The following FRMPD1 variants were observed in gnomAD, a reference collection of about 807,000 sequenced individuals.
FRMPD1 encodes FERM and PDZ domain containing 1, also known as FERM and PDZ domain-containing protein 1.
A neutral mutation model predicts 117.8 loss-of-function variants in FRMPD1; 76 were observed. The ratio of observed to expected loss-of-function variants is 0.65; its 90% CI spans 0.54 to 0.78. The LOEUF is 0.78. Ranked by LOEUF, FRMPD1 falls within the 30% of genes least tolerant of loss-of-function variation. The pLI is 0.00. For missense variants in FRMPD1, 1,786 were observed against 1,964.5 expected (o/e 0.91, Z 1.72); for synonymous variants, 783 against 770.4 (o/e 1.02, Z -0.27).
chr9:37,691,984 T>C (rs1822154419), intron 1 of FRMPD1, among the ~76,000 whole-genome samples: 1 of 152,106 alleles, frequency 6.6e-6, no homozygotes, highest in Non-Finnish European at 1.5e-5. Context: ...TGTATGGGCA[T>C]GGGAACTGGG....
chr9:37,709,576 G>C (rs748201491), intron 4 of FRMPD1, among the ~76,000 whole-genome samples: 1 of 152,210 alleles, frequency 6.6e-6, no homozygotes, highest in Admixed American at 6.5e-5. Flanking sequence ...GAAAGAAAAA[G>C]AAAAGAAAAG....
At chr9:37,610,423 C>CTTTATTTTATTTTAT in the FRMPD1 span, among the ~76,000 whole-genome samples, 14 of 151,996 alleles carry the variant, frequency 9.2e-5, no homozygotes, top group African/African-American at 2.4e-4. Context: ...ACTTGCTTGA[C>CTTTATTTTATTTTAT]TTTATTTTAT....
At chr9:37,659,065 T>TA (rs1468613862) in intron 1 of FRMPD1, among the ~76,000 whole-genome samples, 1 of 152,150 alleles carries the variant, frequency 6.6e-6, no homozygotes, top group East Asian at 1.9e-4. Flanking sequence ...GAGGCCTTGC[T>TA]ATGTTGCTCA....
At chr9:37,711,273 T>A in intron 4 of FRMPD1, 77 bp from the exon 5 acceptor site, 1 of 920,342 alleles carries the variant, frequency 1.1e-6, no homozygotes, top group Non-Finnish European at 1.8e-6. Flanking sequence ...ACACACATGC[T>A]CACACATGTA....
intron 5 of FRMPD1, among the ~76,000 whole-genome samples, chr9:37,714,911 G>C (rs1168019638): frequency 3.9e-5 from 6 of 152,142 alleles, no homozygotes; most frequent in Non-Finnish European, 8.8e-5. Flanking sequence ...GCCTCCCAAA[G>C]TGCTGGGATT....
At chr9:37,700,933 T>A (rs1588940318) in intron 2 of FRMPD1, among the ~76,000 whole-genome samples, 1 of 152,158 alleles carries the variant, frequency 6.6e-6, no homozygotes, top group Admixed American at 6.5e-5. Context: ...GAGGAGGAAA[T>A]GTTGTTACAG....
intron 15 of FRMPD1, among the ~76,000 whole-genome samples, chr9:37,742,687 T>C (rs896786174): frequency 3.3e-5 from 5 of 152,124 alleles, no homozygotes; most frequent in African/African-American, 1.2e-4. Context: ...TCACCTGAGG[T>C]TGGGAGTTTG....
At chr9:37,716,379 C>A (rs1300604565) in intron 5 of FRMPD1, among the ~76,000 whole-genome samples, 2 of 152,192 alleles carry the variant, frequency 1.3e-5, no homozygotes, top group Admixed American at 1.3e-4. Flanking sequence ...AGTGTTCTGG[C>A]ATGCTGAGAT....
chr9:37,650,878 T>C (rs1820648057), upstream of FRMPD1: 1 of 147,948 alleles, frequency 6.8e-6, no homozygotes, highest in African/African-American at 2.4e-5. Context: ...AGCTGCAGCC[T>C]CAGCACCTGC....
intron 1 of FRMPD1, among the ~76,000 whole-genome samples, chr9:37,678,755 G>A (rs575249411): frequency 6.6e-6 from 1 of 152,342 alleles, no homozygotes; most frequent in South Asian, 2.1e-4. Context: ...AATGAAGGAA[G>A]TGAAGGTATC....
chr9:37,746,280 C>A lies in FRMPD1; in HGVS notation c.4248C>A (p.Ala1416=). 1 of 1,612,814 alleles carries A rather than the reference C, an allele frequency of 6.2e-7. No homozygotes were observed. Among genetic ancestry groups the A allele is most frequent in the Non-Finnish European group, 8.5e-7 (1 of 1,179,792 alleles). The change falls in exon 16 of 16, where the codon GCC becomes GCA. Residue 1416 remains alanine (A), a synonymous_variant. Coordinates refer to ENST00000377765, the MANE Select transcript of FRMPD1 (RefSeq NM_014907.3). ...RALRQLKATP[A]STPEGFIQLM... is the part of the protein sequence containing the mutation. ...TGAGACAGCTGAAAGCCACCCCTGCCAGCACCCCTGAGGGCTTCATCCAAC... is the reference window on the plus strand; with the variant it reads ...TGAGACAGCTGAAAGCCACCCCTGCAAGCACCCCTGAGGGCTTCATCCAAC...
At chr9:37,652,993 G>A (rs1347314404) in intron 1 of FRMPD1, among the ~76,000 whole-genome samples, 1 of 152,200 alleles carries the variant, frequency 6.6e-6, no homozygotes. Context: ...GCTATGTGTA[G>A]GTCAAGGAGC....
chr9:37,673,472 T>A (rs1275263459), intron 1 of FRMPD1, among the ~76,000 whole-genome samples: 1 of 152,306 alleles, frequency 6.6e-6, no homozygotes, highest in East Asian at 1.9e-4. Flanking sequence ...AGGCTCCTGG[T>A]GCAAGCTGTT....
At position 37,735,533 on chromosome 9, in the gene FRMPD1, C is replaced by A. The variant is rs745557744; in HGVS notation, c.1219-19C>A. ...ACTCGCTTGCGAATGGAGACTAATT[C>A]CCCTTCCACCCTCTGCAGTTACAGG... is the stretch of plus-strand genomic sequence containing the variant. On this transcript the variant is annotated intron_variant, in intron 12 of 15. Coordinates refer to ENST00000377765, the MANE Select transcript of FRMPD1 (RefSeq NM_014907.3). 2.5e-6 allele frequency: 4 copies of A among 1,587,426 alleles called. No homozygotes were observed. The South Asian group carries it at 3.3e-5, about 13-fold the overall frequency.
chr9:37,704,070 G>T (rs1466266140), intron 2 of FRMPD1, among the ~76,000 whole-genome samples: 1 of 152,190 alleles, frequency 6.6e-6, no homozygotes, highest in African/African-American at 2.4e-5. Flanking sequence ...AGTCTTTTAA[G>T]AAACTTCCAG....
chr9:37,668,273 A>T (rs1170397519), intron 1 of FRMPD1: 1 of 152,266 alleles, frequency 6.6e-6, no homozygotes, highest in African/African-American at 2.4e-5. Flanking sequence ...GTTGACAGGC[A>T]TAGCTGCAGC....
intron 1 of FRMPD1, among the ~76,000 whole-genome samples, chr9:37,684,271 T>G (rs1588924943): frequency 6.6e-6 from 1 of 152,268 alleles, no homozygotes; most frequent in African/African-American, 2.4e-5. Flanking sequence ...ACTTCTTTGC[T>G]GTGTGTGCTT....
At chr9:37,691,754 A>G (rs1031329999) in intron 1 of FRMPD1, among the ~76,000 whole-genome samples, 2 of 152,186 alleles carry the variant, frequency 1.3e-5, no homozygotes, top group South Asian at 2.1e-4. Context: ...AAATACAAAA[A>G]TTAGCCAGGT....
upstream of FRMPD1, among the ~76,000 whole-genome samples, chr9:37,650,839 G>A (rs1356404590): frequency 1.3e-5 from 2 of 148,426 alleles, no homozygotes; most frequent in African/African-American, 4.9e-5. Context: ...CGGGGCGGGG[G>A]TCGCGGCGCC....
Sources: gnomAD v4.1 joint callset for allele counts (sites outside exome capture counted in the v4.1 genomes callset) on GRCh38, gnomAD v4.1.1 for gene constraint, MANE v1.5 for transcripts, NCBI Gene and HGNC (gene_info 2026-07-23, HGNC 2026-07-21) for gene names.